FBXL17: variants seen among roughly 807,000 people sequenced by gnomAD.
FBXL17 encodes the protein F-box and leucine rich repeat protein 17, also known as F-box/LRR-repeat protein 17.
Under a neutral mutation model 66.2 loss-of-function variants are expected in FBXL17, and 22 were observed. That is an observed-to-expected ratio of 0.33 (90% CI 0.24 to 0.47). The LOEUF is 0.47. Among genes scored for constraint, FBXL17 ranks in the 20% least tolerant of loss-of-function variants. The pLI is 1.00. For synonymous variants in FBXL17, 474 were observed against 400.5 expected, an observed-to-expected ratio of 1.18 and a Z score of -2.19; for missense variants, 878 against 948.2, an observed-to-expected ratio of 0.93 and a Z score of 0.97.
chr5:108,041,191 TA>T lies in FBXL17; in HGVS notation c.1746-20191del, dbSNP rs555567079. ...TTCTAAATCAGAAAATACATATTTG[TA>T]AAATGGTTAAGGGCTTTTTTCTTTA... is the stretch of plus-strand genomic sequence containing the variant. On this transcript the variant is annotated intron_variant, in intron 6 of 8. Transcript: ENST00000542267. Among the ~76,000 whole-genome samples the T allele has an allele frequency of 6.7e-4, 102 of 152,326 alleles. 1 individual carries two copies. The highest frequency in any genetic ancestry group is 1.3e-3 in the Non-Finnish European group (86 of 68,026).
chr5:108,264,042 C>A (rs1401827551), intron 4 of FBXL17, among the ~76,000 whole-genome samples: 1 of 151,728 alleles, frequency 6.6e-6, no homozygotes, highest in South Asian at 2.1e-4. Flanking sequence ...TGGTGAAACC[C>A]CATCTCTACT....
chr5:107,991,947 T>C (rs1405950047), intron 7 of FBXL17, among the ~76,000 whole-genome samples: 1 of 152,196 alleles, frequency 6.6e-6, no homozygotes, highest in Non-Finnish European at 1.5e-5. Flanking sequence ...TAGTATTTAA[T>C]AAAATAAAAA....
Position 108,097,389 on chromosome 5 carries a change from A to G in FBXL17, c.1746-76388T>C, listed in dbSNP as rs553889370. On this transcript the variant is annotated intron_variant, in intron 6 of 8. Coordinates refer to ENST00000542267, the MANE Select transcript of FBXL17 (RefSeq NM_001163315.3). ...TATATTACTTGGACAAAAGCCTGCC[A>G]CTATGAAAGTTGGACATAGCTCTAA... 2.1e-4 allele frequency among the ~76,000 whole-genome samples: 32 copies of G among 152,372 alleles called. No homozygotes were observed. In the South Asian group the frequency reaches 6.6e-3, roughly 32 times the overall value.
At chr5:107,917,197 G>A (rs753131588) in intron 7 of FBXL17, among the ~76,000 whole-genome samples, 1 of 152,186 alleles carries the variant, frequency 6.6e-6, no homozygotes, top group Non-Finnish European at 1.5e-5. Context: ...TGCTAGAAGA[G>A]AGCAAATGGG....
intron 7 of FBXL17, among the ~76,000 whole-genome samples, chr5:108,019,657 A>T (rs1754512297): frequency 6.6e-6 from 1 of 151,508 alleles, no homozygotes; most frequent in African/African-American, 2.4e-5. Flanking sequence ...ACACATACAC[A>T]CACACACACT....
intron 8 of FBXL17, among the ~76,000 whole-genome samples, chr5:107,867,140 T>C (rs1368701452): frequency 2.0e-5 from 3 of 152,206 alleles, no homozygotes; most frequent in Non-Finnish European, 4.4e-5. Flanking sequence ...GTCTCTAAAG[T>C]CCTGATAATA....
At chr5:108,093,130 C>A (rs1036034313) in intron 6 of FBXL17, among the ~76,000 whole-genome samples, 9 of 151,894 alleles carry the variant, frequency 5.9e-5, no homozygotes, top group Non-Finnish European at 1.3e-4. Context: ...TTCCAAGCAC[C>A]CTTCCAGAGA....
intron 5 of FBXL17, among the ~76,000 whole-genome samples, chr5:108,189,357 T>G (rs1753372670): frequency 1.9e-5 from 2 of 105,474 alleles, no homozygotes; most frequent in Non-Finnish European, 2.0e-5. Context: ...GGCAATAAAA[T>G]GAAAGAGACA....
At chr5:108,351,629 T>C (rs894251295) in intron 3 of FBXL17, among the ~76,000 whole-genome samples, 2 of 152,188 alleles carry the variant, frequency 1.3e-5, no homozygotes, top group Non-Finnish European at 2.9e-5. Flanking sequence ...CCATTTAGCA[T>C]TGTTTGTAAG....
At chr5:107,988,567 TTTAAA>T (rs150094939) in intron 7 of FBXL17, among the ~76,000 whole-genome samples, 2,592 of 152,070 alleles carry the variant, frequency 0.017, 69 homozygotes, top group African/African-American at 0.059. Flanking sequence ...AGGCAAAGCA[TTTAAA>T]TTAAATATTA....
At chr5:108,098,735 ACT>A (rs2149938077) in intron 6 of FBXL17, among the ~76,000 whole-genome samples, 1 of 124,352 alleles carries the variant, frequency 8.0e-6, no homozygotes, top group Admixed American at 9.2e-5. Flanking sequence ...ACAGAGCGAC[ACT>A]CTGTCTCATA....
intron 4 of FBXL17, among the ~76,000 whole-genome samples, chr5:108,274,822 C>T (rs762102154): frequency 6.6e-6 from 1 of 152,172 alleles, no homozygotes; most frequent in Non-Finnish European, 1.5e-5. Flanking sequence ...TCCCTGACTT[C>T]CCGCAACAAA....
intron 6 of FBXL17, among the ~76,000 whole-genome samples, chr5:108,127,493 G>A (rs368781475): frequency 8.4e-4 from 128 of 152,076 alleles, no homozygotes; most frequent in African/African-American, 3.0e-3. Context: ...TAAGTGACAG[G>A]ACTTTGGGTT....
intron 6 of FBXL17, among the ~76,000 whole-genome samples, chr5:108,154,043 C>T (rs1435369793): frequency 6.6e-6 from 1 of 151,954 alleles, no homozygotes. Context: ...CAACAAATAG[C>T]CCAAATGAGC....
chr5:108,176,702 G>A (rs975631574), intron 6 of FBXL17, among the ~76,000 whole-genome samples: 15 of 151,880 alleles, frequency 9.9e-5, no homozygotes, highest in Non-Finnish European at 7.4e-5. Flanking sequence ...TAAATACTCT[G>A]GTGTTACATA....
intron 7 of FBXL17, among the ~76,000 whole-genome samples, chr5:107,900,285 C>G (rs1749529275): frequency 6.6e-6 from 1 of 152,094 alleles, no homozygotes; most frequent in South Asian, 2.1e-4. Context: ...TTACTTCTTT[C>G]TATCATCTAC....
At chr5:108,010,769 A>T (rs1353647296) in intron 7 of FBXL17, among the ~76,000 whole-genome samples, 1 of 151,462 alleles carries the variant, frequency 6.6e-6, no homozygotes, top group Admixed American at 6.6e-5. Flanking sequence ...GAGCATCAAT[A>T]AAAAAAAATT....
At chr5:108,138,386 T>C (rs968399617) in intron 6 of FBXL17, among the ~76,000 whole-genome samples, 1 of 152,254 alleles carries the variant, frequency 6.6e-6, no homozygotes, top group African/African-American at 2.4e-5. Context: ...TCTTTTTGCT[T>C]ATCAATAACG....
At chr5:108,171,902 T>C (rs1006732989) in intron 6 of FBXL17, among the ~76,000 whole-genome samples, 1 of 152,132 alleles carries the variant, frequency 6.6e-6, no homozygotes, top group African/African-American at 2.4e-5. Flanking sequence ...TCACAAGATC[T>C]GATGGTTTTA....
Sources: gnomAD v4.1 joint callset for allele counts (sites outside exome capture counted in the v4.1 genomes callset) on GRCh38, gnomAD v4.1.1 for gene constraint, MANE v1.5 for transcripts, NCBI Gene and HGNC (gene_info 2026-07-23, HGNC 2026-07-21) for gene names.